Variants in GRIK4 observed in about 807,000 individuals in gnomAD.
GRIK4 encodes glutamate receptor ionotropic, kainate 4.
A neutral mutation model predicts 104.9 loss-of-function variants in GRIK4; 40 were observed. The ratio of observed to expected loss-of-function variants is 0.38; its 90% CI spans 0.30 to 0.50. The LOEUF is 0.50. Ranked by LOEUF, GRIK4 falls within the 20% of genes least tolerant of loss-of-function variation. The pLI is 0.93. For missense variants in GRIK4, 1,047 were observed against 1,308.1 expected (o/e 0.80, Z 3.08); for synonymous variants, 485 against 524.9 (o/e 0.92, Z 1.04).
chr11:120,747,108 A>G (rs939670715), intron 3 of GRIK4, among the ~76,000 whole-genome samples: 12 of 152,158 alleles, frequency 7.9e-5, no homozygotes, highest in African/African-American at 2.7e-4. Context: ...GCTGTCGCCA[A>G]ACTCTCACAA....
intron 3 of GRIK4, among the ~76,000 whole-genome samples, chr11:120,778,422 G>A (rs1952085030): frequency 6.6e-6 from 1 of 152,154 alleles, no homozygotes; most frequent in African/African-American, 2.4e-5. Context: ...TTATAGACAA[G>A]GTGAGATGAA....
intron 11 of GRIK4, among the ~76,000 whole-genome samples, chr11:120,891,038 A>T (rs1955274208): frequency 6.6e-6 from 1 of 152,270 alleles, no homozygotes; most frequent in Non-Finnish European, 1.5e-5. Flanking sequence ...TTTAAAAATG[A>T]ATCTCTTTTT....
chr11:120,788,886 TG>T (rs1403966768), intron 3 of GRIK4, among the ~76,000 whole-genome samples: 2 of 152,038 alleles, frequency 1.3e-5, no homozygotes, highest in African/African-American at 4.8e-5. Context: ...GCCATCTAAA[TG>T]CTGCCTAACC....
intron 1 of GRIK4, among the ~76,000 whole-genome samples, chr11:120,625,523 C>T (rs1024684592): frequency 6.6e-6 from 1 of 152,120 alleles, no homozygotes. Context: ...GTGTTGTTGC[C>T]TCTTCTCACA....
chr11:120,864,193 C>T (rs1954333604), intron 9 of GRIK4, among the ~76,000 whole-genome samples: 1 of 150,068 alleles, frequency 6.7e-6, no homozygotes, highest in African/African-American at 2.5e-5. Context: ...GTTCTCATTC[C>T]AGTATTTTTA....
chr11:120,776,986 G>A (rs1458452787), intron 3 of GRIK4, among the ~76,000 whole-genome samples: 4 of 152,280 alleles, frequency 2.6e-5, no homozygotes, highest in African/African-American at 9.6e-5. Context: ...GGAGCTACGA[G>A]GGGGGTGTGA....
intron 13 of GRIK4, among the ~76,000 whole-genome samples, chr11:120,915,898 G>A (rs904988472): frequency 6.6e-6 from 1 of 152,188 alleles, no homozygotes; most frequent in Admixed American, 6.5e-5. Flanking sequence ...ATTAATCCAA[G>A]CTCAGACACA....
At chr11:120,670,836 C>T (rs1232632971) in intron 3 of GRIK4, among the ~76,000 whole-genome samples, 1 of 152,210 alleles carries the variant, frequency 6.6e-6, no homozygotes. Flanking sequence ...GGCATTTCTT[C>T]TAATGCCATC....
chr11:120,950,924 A>C (rs980638921), intron 14 of GRIK4, among the ~76,000 whole-genome samples: 1 of 152,196 alleles, frequency 6.6e-6, no homozygotes, highest in South Asian at 2.1e-4. Context: ...TTTGTCCCCC[A>C]GATTTTTCAT....
At chr11:120,912,429 T>C (rs1440175484) in intron 13 of GRIK4, among the ~76,000 whole-genome samples, 1 of 152,122 alleles carries the variant, frequency 6.6e-6, no homozygotes, top group African/African-American at 2.4e-5. Context: ...AGAGCACATG[T>C]TCAAGAGGGA....
chr11:120,905,374 A>G lies in GRIK4; in HGVS notation c.1357A>G (p.Lys453Glu), dbSNP rs1352787760. The G allele has an allele frequency of 2.5e-6, 4 of 1,613,918 alleles. No individual in the cohort carries two copies. The East Asian group carries it at 6.7e-5, about 27-fold the overall frequency. Reference protein sequence around the residue: ...RYEGFCVDMLKELAEILRFNY... With the variant: ...RYEGFCVDMLEELAEILRFNY... ...CGAGGGCTTCTGTGTGGACATGCTC[A>G]AGGAGCTGGCAGAGATCCTCCGATT... Residue 453 changes from lysine (K) to glutamate (E), a missense_variant, in exon 13 of 21, where the codon AAG (lysine) becomes GAG (glutamate). By Grantham distance (56) the Lys-to-Glu change is moderately conservative. Transcript: ENST00000527524. This position sits in a 1 kb window ranked among gnomAD's most constrained non-coding sequence, Gnocchi z 5.1.
At chr11:120,799,448 C>T (rs112476811) in intron 3 of GRIK4, among the ~76,000 whole-genome samples, 131 of 152,336 alleles carry the variant, frequency 8.6e-4, no homozygotes, top group Non-Finnish European at 1.7e-3. Context: ...CTGGAAGCCT[C>T]ATGCACGCTC....
chr11:120,716,518 A>G (rs749176027), intron 3 of GRIK4, among the ~76,000 whole-genome samples: 100 of 152,342 alleles, frequency 6.6e-4, no homozygotes, highest in Non-Finnish European at 1.3e-3. Context: ...TGCTGTGATT[A>G]GAGGTGTGAG....
intron 13 of GRIK4, among the ~76,000 whole-genome samples, chr11:120,908,345 T>C (rs1039711735): frequency 5.9e-5 from 9 of 152,196 alleles, no homozygotes; most frequent in Admixed American, 5.9e-4. Flanking sequence ...TTAAACACAT[T>C]ATTTTATCCT....
In GRIK4 at chr11:120,815,487, G is replaced by T. The variant is rs1311002674; in HGVS notation, c.345+12G>T. The T allele has an allele frequency of 2.0e-6, 3 of 1,466,906 alleles. No individual in the cohort carries two copies. Among genetic ancestry groups the T allele is most frequent in the Admixed American group, 2.0e-5 (1 of 49,174 alleles). The allele number at this position is 1,466,906 out of a possible 1,614,324, so 90.9% of individuals were successfully genotyped here. On this transcript the variant is annotated intron_variant, in intron 5 of 20. Coordinates refer to ENST00000527524, the MANE Select transcript of GRIK4 (RefSeq NM_014619.5). ...GTGGAGAGAAGGAGGTGAGTGTGAG[G>T]CAGGGCTGGGGAATATCTGTGTGCT... is the stretch of plus-strand genomic sequence containing the variant.
chr11:120,584,730 A>G (rs1324961926), intron 1 of GRIK4, among the ~76,000 whole-genome samples: 4 of 152,160 alleles, frequency 2.6e-5, no homozygotes, highest in African/African-American at 4.8e-5. Context: ...AGTTTGAGGT[A>G]TGTTCCTTCA....
At chr11:120,630,103 A>G (rs1199567186) in intron 1 of GRIK4, among the ~76,000 whole-genome samples, 1 of 152,196 alleles carries the variant, frequency 6.6e-6, no homozygotes, top group African/African-American at 2.4e-5. Flanking sequence ...CTGCAAGTAA[A>G]GTGGCTGGAA....
At chr11:120,908,346 A>G (rs921229012) in intron 13 of GRIK4, among the ~76,000 whole-genome samples, 19 of 152,208 alleles carry the variant, frequency 1.2e-4, no homozygotes, top group African/African-American at 4.6e-4. Flanking sequence ...TAAACACATT[A>G]TTTTATCCTT....
chr11:120,753,564 G>T (rs1326648545), intron 3 of GRIK4, among the ~76,000 whole-genome samples: 3 of 152,112 alleles, frequency 2.0e-5, no homozygotes, highest in African/African-American at 4.8e-5. Flanking sequence ...TGTTGAATTT[G>T]AATGAGAGAC....
Sources: allele counts gnomAD v4.1 joint callset (sites outside exome capture counted in the v4.1 genomes callset), GRCh38; gene constraint gnomAD v4.1.1; non-coding constraint Gnocchi (gnomAD v3.1); transcripts MANE v1.5; gene names NCBI Gene and HGNC (gene_info 2026-07-23, HGNC 2026-07-21).